Variants in ABCA10 observed in about 807,000 individuals in gnomAD.
ABCA10 encodes ATP binding cassette subfamily A member 10, also known as ATP-binding cassette sub-family A member 10.
ABCA10 carries 169 observed loss-of-function variants against 187.5 expected under a neutral mutation model. The ratio of observed to expected loss-of-function variants is 0.90; its 90% confidence interval spans 0.80 to 1.02. The LOEUF (loss-of-function observed/expected upper bound fraction) is 1.02, where lower values mean the gene tolerates loss of function less well. Ranked by LOEUF, ABCA10 falls within the 50% of genes least tolerant of loss-of-function variation. The pLI is 0.00. For missense variants in ABCA10, 1,727 were observed against 1,812.4 expected, an observed-to-expected ratio of 0.95 and a Z score of 0.86; for synonymous variants, 574 against 601.8, an observed-to-expected ratio of 0.95 and a Z score of 0.68.
At chr17:69,163,117 G>A (rs1242635976) in intron 27 of ABCA10, among the ~76,000 whole-genome samples, 6 of 152,098 alleles carry the variant, frequency 3.9e-5, no homozygotes, top group South Asian at 2.1e-4. Flanking sequence ...GATTACAGGC[G>A]TGAGTCACTG....
intron 11 of ABCA10, 39 bp downstream of exon 11, chr17:69,197,025 A>AGGGGGG (rs753452363): frequency 2.2e-6 from 3 of 1,350,558 alleles, no homozygotes; most frequent in Non-Finnish European, 2.0e-6. Context: ...GGGGAGGGGG[A>AGGGGGG]GAGGGAGAGG....
intron 20 of ABCA10, among the ~76,000 whole-genome samples, chr17:69,184,109 G>T (rs2074402629): frequency 6.6e-6 from 1 of 151,976 alleles, no homozygotes; most frequent in Non-Finnish European, 1.5e-5. Context: ...CTTCCCTAGC[G>T]ACCTGTACGA....
intron 21 of ABCA10, 31 bp downstream of exon 21, chr17:69,182,644 A>C (rs1180349542): frequency 2.7e-6 from 4 of 1,508,664 alleles, no homozygotes; most frequent in Admixed American, 2.2e-5. Flanking sequence ...AAAAAAAACC[A>C]AAAAAAAACA....
chr17:69,227,513 T>A (rs1177368662), intron 1 of ABCA10, among the ~76,000 whole-genome samples: 1 of 151,980 alleles, frequency 6.6e-6, no homozygotes, highest in Non-Finnish European at 1.5e-5. Context: ...AGATAGTATA[T>A]AAGACCTTTC....
chr17:69,149,708 A>G (rs998205115), intron 37 of ABCA10, among the ~76,000 whole-genome samples: 41 of 152,142 alleles, frequency 2.7e-4, no homozygotes, highest in African/African-American at 9.9e-4. Context: ...TCATGGTAAG[A>G]AACAGCCCTG....
chr17:69,217,801 A>G (rs1437736534), intron 6 of ABCA10, among the ~76,000 whole-genome samples: 1 of 152,188 alleles, frequency 6.6e-6, no homozygotes, highest in Non-Finnish European at 1.5e-5. Context: ...AAAAATTTAA[A>G]GACCAAAATT....
At chr17:69,160,407 G>A (rs2144761520) in intron 27 of ABCA10, among the ~76,000 whole-genome samples, 1 of 152,250 alleles carries the variant, frequency 6.6e-6, no homozygotes, top group African/African-American at 2.4e-5. Flanking sequence ...AGGAGATTGA[G>A]ACCATCCTGG....
chr17:69,154,420 CTT>C (rs56142812), intron 30 of ABCA10, 94 bp from the exon 31 acceptor site: 67,482 of 456,246 alleles, frequency 0.15, 3 homozygotes, highest in Middle Eastern at 0.21. Flanking sequence ...AACAAAATGA[CTT>C]TTTTTTTTTT....
intron 10 of ABCA10, among the ~76,000 whole-genome samples, chr17:69,197,475 C>T (rs537012304): frequency 6.6e-6 from 1 of 152,260 alleles, no homozygotes; most frequent in Non-Finnish European, 1.5e-5. Context: ...CATTATCTTT[C>T]ACAGGCAAAT....
chr17:69,191,499 G>T (rs1483619222), intron 16 of ABCA10, among the ~76,000 whole-genome samples, 184 bp from the exon 17 acceptor site: 8 of 152,100 alleles, frequency 5.3e-5, no homozygotes, highest in Non-Finnish European at 1.0e-4. Flanking sequence ...AGTGCTAATT[G>T]GTAGCCTATT....
chr17:69,191,377 A>G, intron 16 of ABCA10, 62 bp from the exon 17 acceptor site: 2 of 1,408,810 alleles, frequency 1.4e-6, no homozygotes, highest in Non-Finnish European at 1.9e-6. Flanking sequence ...ACTCATGAAA[A>G]GATAGTTTTC....
At chr17:69,177,424 G>A (rs1248098488) in intron 22 of ABCA10, among the ~76,000 whole-genome samples, 1 of 152,036 alleles carries the variant, frequency 6.6e-6, no homozygotes, top group Admixed American at 6.6e-5. Flanking sequence ...ACTGGCATTT[G>A]AATATTAATA....
intron 22 of ABCA10, among the ~76,000 whole-genome samples, chr17:69,176,882 G>A (rs1345964112): frequency 1.3e-5 from 2 of 152,142 alleles, no homozygotes; most frequent in Non-Finnish European, 2.9e-5. Flanking sequence ...GGGGACTACT[G>A]TACTTAGAGT....
intron 16 of ABCA10, 51 bp downstream of exon 16, chr17:69,192,512 A>G: frequency 7.0e-7 from 1 of 1,438,598 alleles, no homozygotes; most frequent in Non-Finnish European, 9.6e-7. Flanking sequence ...ACAAAATGTC[A>G]CCCTCATATT....
At chr17:69,222,986 A>G (rs184041843) in intron 3 of ABCA10, among the ~76,000 whole-genome samples, 114 of 151,978 alleles carry the variant, frequency 7.5e-4, no homozygotes, top group African/African-American at 2.7e-3. Context: ...AAGCATAGAA[A>G]CATACTCTAT....
rs2074152545 is a variant in ABCA10, at chr17:69,154,016, A to G, written c.3787-7T>C. 6.2e-7 allele frequency: 1 copy of G among 1,610,794 alleles called. No individual in the cohort carries two copies. The highest frequency in any genetic ancestry group is 8.5e-7 in the Non-Finnish European group (1 of 1,178,166). ...TGCTGCCTTGTAACACCACCTGCAC[A>G]AGACAATGAATGTCAGATTCACCTT... On this transcript the variant is annotated splice_region_variant and splice_polypyrimidine_tract_variant and intron_variant, in intron 31 of 38. Transcript: ENST00000690296.
At position 69,148,145 on chromosome 17, in the gene ABCA10, T is replaced by C. The variant is rs367567245; in HGVS notation, c.*682A>G. ...AAAAGTGCTATAATGACATGGGAAATGTTCATGAACTGTGAGGTGAAAAGA... is the reference window on the plus strand; with the variant it reads ...AAAAGTGCTATAATGACATGGGAAACGTTCATGAACTGTGAGGTGAAAAGA... On this transcript the variant is annotated 3_prime_UTR_variant, in exon 39 of 39. Coordinates refer to ENST00000690296, the MANE Select transcript of ABCA10 (RefSeq NM_001377321.1). 2.4e-4 allele frequency: 37 copies of C among 152,254 alleles called. No individual in the cohort carries two copies. Among genetic ancestry groups the C allele is most frequent in the African/African-American group, 8.7e-4 (36 of 41,542 alleles). 9.4% of individuals were successfully genotyped at this position (152,254 alleles called of 1,614,324 possible).
intron 34 of ABCA10, 73 bp downstream of exon 34, chr17:69,153,232 C>CAAAACA: frequency 1.3e-6 from 2 of 1,512,908 alleles, no homozygotes; most frequent in East Asian, 2.3e-5. Context: ...AACAAAGAAA[C>CAAAACA]AAAACAAAAA....
chr17:69,156,264 G>A (rs1297309023), intron 28 of ABCA10, among the ~76,000 whole-genome samples: 1 of 152,104 alleles, frequency 6.6e-6, no homozygotes, highest in Non-Finnish European at 1.5e-5. Context: ...ATCCTAACTG[G>A]TTTTATATGG....
Sources: allele counts gnomAD v4.1 joint callset (sites outside exome capture counted in the v4.1 genomes callset), GRCh38; gene constraint gnomAD v4.1.1; transcripts MANE v1.5; gene names NCBI Gene and HGNC (gene_info 2026-07-23, HGNC 2026-07-21).